The following PTRH1 variants were observed in gnomAD, a reference collection of about 807,000 sequenced individuals.
PTRH1 encodes peptidyl-tRNA hydrolase.
PTRH1 carries 13 observed loss-of-function variants against 15.7 expected under a neutral mutation model. That is an observed-to-expected ratio of 0.83 (90% CI 0.54 to 1.31). The LOEUF is 1.31. Among genes scored for constraint, PTRH1 ranks in the 40% most tolerant of loss-of-function variants. PTRH1 has a pLI of 0.00. For synonymous variants in PTRH1, 139 were observed against 136.7 expected, an observed-to-expected ratio of 1.02 and a Z score of -0.12; for missense variants, 319 against 296.2, an observed-to-expected ratio of 1.08 and a Z score of -0.56.
chr9:127,713,336 A>T, downstream of PTRH1: 1 of 717,628 alleles, frequency 1.4e-6, no homozygotes, highest in Non-Finnish European at 2.2e-6. Context: ...CCCATCTGTA[A>T]AATGGGCTGA....
chr9:127,713,251 C>G (rs773251319), downstream of PTRH1: 12 of 1,421,816 alleles, frequency 8.4e-6, no homozygotes, highest in Non-Finnish European at 1.1e-5. Flanking sequence ...GGCAGCTAGT[C>G]CTGGGTACAA....
downstream of PTRH1, chr9:127,711,735 C>A: frequency 1.2e-5 from 17 of 1,460,980 alleles, no homozygotes; most frequent in Admixed American, 2.1e-5. Context: ...GGCCGCTCTG[C>A]ATAGGGGAAC....
downstream of PTRH1, chr9:127,713,408 T>C (rs977486156): frequency 1.0e-4 from 49 of 485,828 alleles, no homozygotes; most frequent in African/African-American, 8.3e-4. Context: ...GGGAGGGGGG[T>C]TGGCTGGACC....
chr9:127,710,832 A>C, downstream of PTRH1: 1 of 1,482,184 alleles, frequency 6.7e-7, no homozygotes, highest in South Asian at 1.2e-5. Flanking sequence ...TTCAGGCCTC[A>C]GCTTCTAACT....
chr9:127,712,580 C>A (rs1564367019), downstream of PTRH1: 2 of 1,566,012 alleles, frequency 1.3e-6, no homozygotes, highest in African/African-American at 1.4e-5. Flanking sequence ...GTCTTCCCGA[C>A]TGAAGAATGG....
At chr9:127,696,265 G>C (rs1842559339) in intron 1 of PTRH1, among the ~76,000 whole-genome samples, 1 of 152,252 alleles carries the variant, frequency 6.6e-6, no homozygotes, top group Non-Finnish European at 1.5e-5. Context: ...GAGCCCAGGA[G>C]TTCGAGGCTG....
chr9:127,703,660 C>T (rs550758326), intron 1 of PTRH1, among the ~76,000 whole-genome samples: 8 of 152,342 alleles, frequency 5.3e-5, no homozygotes, highest in Admixed American at 4.6e-4. Flanking sequence ...CAAAAACCCA[C>T]GTGCCACGGC....
intron 1 of PTRH1, among the ~76,000 whole-genome samples, chr9:127,699,596 C>A (rs144772736): frequency 1.3e-5 from 2 of 151,896 alleles, no homozygotes; most frequent in African/African-American, 4.8e-5. Context: ...TTAGGCAGTA[C>A]GAATACTAAA....
rs920437996 is a variant in PTRH1 at position 127,705,638 on chromosome 9, C to T, written c.205+9797G>A. On this transcript the variant is annotated intron_variant, in intron 1 of 2. Transcript: ENST00000335223. The surrounding 1 kb of genome is among the most constrained non-coding windows in gnomAD (Gnocchi z 4.7). Reference sequence around the variant, plus strand: ...TAGAAATGGGGGAGGCACGGGGAGGCCCCCGGTCAACTGGGAGCACTGTGG... The same window carrying T: ...TAGAAATGGGGGAGGCACGGGGAGGTCCCCGGTCAACTGGGAGCACTGTGG... Among the ~76,000 whole-genome samples the T allele has an allele frequency of 2.6e-5, 4 of 152,254 alleles. No homozygotes were observed. Among genetic ancestry groups the T allele is most frequent in the African/African-American group, 9.6e-5 (4 of 41,466 alleles).
At position 127,698,031 on chromosome 9, in the gene PTRH1, A is replaced by G. The variant is rs372792909; in HGVS notation, c.206-2890T>C. Among the ~76,000 whole-genome samples the G allele has an allele frequency of 1.3e-3, 201 of 152,342 alleles. 5 individuals carry two copies. The South Asian group carries it at 0.039, about 29-fold the overall frequency. On this transcript the variant is annotated intron_variant, in intron 1 of 2. Transcript: ENST00000335223. ...CAGAGTGGGAAAAAACTGTTTGCAAATCACATATCTGATAAGGGGCTAATA... is the reference window on the plus strand; with the variant it reads ...CAGAGTGGGAAAAAACTGTTTGCAAGTCACATATCTGATAAGGGGCTAATA...
intron 1 of PTRH1, among the ~76,000 whole-genome samples, chr9:127,699,353 G>A (rs1396804719): frequency 1.3e-5 from 2 of 152,260 alleles, no homozygotes; most frequent in Non-Finnish European, 2.9e-5. Context: ...AACACTGTGA[G>A]CAAGGAAAAG....
At chr9:127,712,117 G>GA (rs1325871268), downstream of PTRH1, 70 of 1,562,754 alleles carry the variant, frequency 4.5e-5, no homozygotes, top group Admixed American at 1.2e-3. Flanking sequence ...GGCTTGGAGA[G>GA]AAATGGCAGG....
chr9:127,713,440 G>T, downstream of PTRH1: 1 of 415,792 alleles, frequency 2.4e-6, no homozygotes, highest in Non-Finnish European at 4.3e-6. Flanking sequence ...TCCCCCACCA[G>T]CAGGGAAAGA....
chr9:127,702,506 C>T (rs772133675), intron 1 of PTRH1, among the ~76,000 whole-genome samples: 8 of 151,948 alleles, frequency 5.3e-5, no homozygotes, highest in Non-Finnish European at 1.0e-4. Context: ...CACTGCACTC[C>T]GGCCTGGGAG....
intron 1 of PTRH1, among the ~76,000 whole-genome samples, chr9:127,697,924 A>C (rs955561943): frequency 6.6e-6 from 1 of 152,238 alleles, no homozygotes; most frequent in Non-Finnish European, 1.5e-5. Context: ...AGACAAAACA[A>C]GAAAAAATAG....
In PTRH1 at chr9:127,715,615, C is replaced by T. The variant is rs893744917; in HGVS notation, c.25G>A (p.Ala9Thr). 1 of 1,612,850 alleles carries T rather than the reference C, an allele frequency of 6.2e-7. No individual in the cohort carries two copies. ...ATGGCTCTACTCAGCCGCTGTCCGG[C>T]GCCCAAAAAGCCGCCCGGCCTCATG... MRPGGFLG[A>T]GQRLSRAMSR... Residue 9 changes from alanine (A) to threonine (T), a missense_variant, in exon 1 of 5, where the codon GCC becomes ACC. Ala to Thr is a moderately conservative substitution (Grantham distance 58). Coordinates refer to ENST00000543175, the MANE Select transcript of PTRH1 (RefSeq NM_001002913.3). This position sits in a 1 kb window ranked among gnomAD's most constrained non-coding sequence, Gnocchi z 5.8.
rs562934279 is a variant in PTRH1 at position 127,706,720 on chromosome 9, G to T, written c.205+8715C>A. On this transcript the variant is annotated intron_variant, in intron 1 of 2. Coordinates refer to the PTRH1 transcript ENST00000335223. ...ACAAAGGAAAGGATGGCGATTTCCA[G>T]GGCCCTGACCCACATGAACTTTCCC... is the stretch of plus-strand genomic sequence containing the variant. Among the ~76,000 whole-genome samples, 5 of 152,208 alleles carry T rather than the reference G, an allele frequency of 3.3e-5. No individual in the cohort carries two copies. In the South Asian group the frequency reaches 8.3e-4, roughly 25 times the overall value.
chr9:127,710,508 G>C, downstream of PTRH1: 1 of 1,451,406 alleles, frequency 6.9e-7, no homozygotes, highest in Non-Finnish European at 9.3e-7. Context: ...CGCACAGGAA[G>C]GGACAGGGAC....
downstream of PTRH1, chr9:127,711,640 C>G (rs1842767389): frequency 8.3e-7 from 1 of 1,205,710 alleles, no homozygotes; most frequent in Admixed American, 2.5e-5. Flanking sequence ...GTGGGGGCTG[C>G]AGGGTGCTGG....
Sources: allele counts gnomAD v4.1 joint callset (sites outside exome capture counted in the v4.1 genomes callset), GRCh38; gene constraint gnomAD v4.1.1; non-coding constraint Gnocchi (gnomAD v3.1); transcripts MANE v1.5; gene names NCBI Gene and HGNC (gene_info 2026-07-23, HGNC 2026-07-21).